The following DNAH6 variants were observed in gnomAD, a reference collection of about 807,000 sequenced individuals.
The protein encoded by DNAH6 is axonemal beta dynein heavy chain 6.
Under a neutral mutation model 491.4 loss-of-function variants are expected in DNAH6, and 340 were observed. That is an observed-to-expected ratio of 0.69 (90% CI 0.63 to 0.76). DNAH6 has a LOEUF of 0.76. Ranked by LOEUF, DNAH6 falls within the 30% of genes least tolerant of loss-of-function variation. DNAH6 has a pLI of 0.00. For missense variants in DNAH6, 4,443 were observed against 4,972.2 expected (o/e 0.89, Z 3.20); for synonymous variants, 1,603 against 1,686.1 (o/e 0.95, Z 1.21).
intron 32 of DNAH6, 69 bp from the exon 33 acceptor site, chr2:84,641,878 A>G (rs1235156142): frequency 7.6e-6 from 10 of 1,319,510 alleles, no homozygotes; most frequent in Non-Finnish European, 1.1e-5. Flanking sequence ...TGCCCTCCCC[A>G]CAGGTTTAGA....
intron 55 of DNAH6, 30 bp downstream of exon 55, chr2:84,709,576 T>C: frequency 1.3e-6 from 2 of 1,549,150 alleles, no homozygotes; most frequent in Non-Finnish European, 1.7e-6. Flanking sequence ...GAGAGTGGCT[T>C]TTGGTTCTGC....
At chr2:84,662,686 G>C (rs1691643711) in intron 37 of DNAH6, among the ~76,000 whole-genome samples, 1 of 152,208 alleles carries the variant, frequency 6.6e-6, no homozygotes, top group Non-Finnish European at 1.5e-5. Flanking sequence ...GCAGGGCATA[G>C]CTGAACAAAA....
intron 22 of DNAH6, among the ~76,000 whole-genome samples, chr2:84,612,296 A>G (rs189350648): frequency 2.0e-5 from 3 of 152,116 alleles, no homozygotes; most frequent in Non-Finnish European, 4.4e-5. Flanking sequence ...ACTAGTAAAA[A>G]TATTACCACT....
chr2:84,511,087 A>G, the DNAH6 span, among the ~76,000 whole-genome samples: 2 of 152,154 alleles, frequency 1.3e-5, no homozygotes, highest in African/African-American at 4.8e-5. Context: ...GAGAACCACT[A>G]TTCTCTTCAA....
intron 2 of DNAH6, among the ~76,000 whole-genome samples, chr2:84,522,211 A>G (rs947247598): frequency 6.6e-6 from 1 of 151,948 alleles, no homozygotes; most frequent in Non-Finnish European, 1.5e-5. Flanking sequence ...AAATATTCCT[A>G]GGTATTTTAG....
chr2:84,817,992 A>G (rs1680657209), intron 76 of DNAH6, among the ~76,000 whole-genome samples: 1 of 152,210 alleles, frequency 6.6e-6, no homozygotes, highest in African/African-American at 2.4e-5. Context: ...ATCAAATTTC[A>G]ACATGAGATT....
intron 17 of DNAH6, among the ~76,000 whole-genome samples, chr2:84,594,823 T>C (rs1365925078): frequency 1.3e-5 from 2 of 152,184 alleles, no homozygotes; most frequent in East Asian, 1.9e-4. Context: ...TTCTAGGTGC[T>C]GGGAGTACCA....
intron 64 of DNAH6, among the ~76,000 whole-genome samples, chr2:84,771,302 A>C (rs1005837699): frequency 5.3e-5 from 8 of 151,886 alleles, no homozygotes; most frequent in African/African-American, 1.9e-4. Context: ...AAAAAAAAAC[A>C]AAAAGAAGTT....
chr2:84,796,757 G>C (rs576264965), intron 69 of DNAH6, among the ~76,000 whole-genome samples: 1 of 152,146 alleles, frequency 6.6e-6, no homozygotes, highest in Admixed American at 6.5e-5. Flanking sequence ...AGATACTCAG[G>C]AGGCTGAGGT....
intron 29 of DNAH6, among the ~76,000 whole-genome samples, chr2:84,633,317 C>G (rs928007674): frequency 9.2e-5 from 14 of 152,068 alleles, no homozygotes; most frequent in African/African-American, 3.4e-4. Context: ...TTAATATCTC[C>G]CCAAGGCAGA....
intron 15 of DNAH6, among the ~76,000 whole-genome samples, chr2:84,585,586 G>A (rs550792698): frequency 2.0e-5 from 3 of 151,950 alleles, no homozygotes; most frequent in African/African-American, 7.2e-5. Context: ...CATCATCTCT[G>A]CAGCTCTCAG....
intron 63 of DNAH6, among the ~76,000 whole-genome samples, chr2:84,761,070 A>G (rs1448321644): frequency 2.6e-5 from 4 of 152,254 alleles, no homozygotes; most frequent in Admixed American, 2.6e-4. Context: ...ATCGACCTAC[A>G]TGTCCATCAA....
intron 30 of DNAH6, among the ~76,000 whole-genome samples, chr2:84,634,978 G>A (rs1000991629): frequency 1.3e-5 from 2 of 152,118 alleles, no homozygotes; most frequent in Non-Finnish European, 2.9e-5. Flanking sequence ...GGTCACAATG[G>A]GCAGCACTGG....
At chr2:84,745,739 A>G (rs1420782622) in intron 63 of DNAH6, among the ~76,000 whole-genome samples, 1 of 151,814 alleles carries the variant, frequency 6.6e-6, no homozygotes, top group Non-Finnish European at 1.5e-5. Flanking sequence ...GAGAATTATG[A>G]AAGAGAGCCA....
Position 84,722,664 on chromosome 2 carries a change from G to A in DNAH6, c.9832G>A (p.Glu3278Lys). 1 of 1,550,806 alleles carries A rather than the reference G, an allele frequency of 6.4e-7. No homozygotes were observed. The highest frequency in any genetic ancestry group is 1.2e-5 in the South Asian group (1 of 83,756). ...GAIKTRLEEA[E>K]STEQMINVAR... ...CATTAAAACCAGGCTGGAAGAAGCA[G>A]AGTCCACTGAGCAGATGATCAATGT... The change falls in exon 60 of 77, where the codon GAG becomes AAG. Residue 3278 changes from glutamate (E) to lysine (K), a missense_variant. Glu to Lys is a moderately conservative substitution (Grantham distance 56, BLOSUM62 1). This residue lies in a region of DNAH6 where 1,463 missense variants were observed against 1,656.6 expected (regional missense o/e 0.88). Transcript: ENST00000389394.
intron 47 of DNAH6, 151 bp downstream of exon 47, chr2:84,697,878 G>A (rs1695542299): frequency 1.3e-5 from 11 of 843,152 alleles, no homozygotes; most frequent in Non-Finnish European, 2.0e-5. Flanking sequence ...TTTATTTTCG[G>A]TGTTTAAAGC....
At chr2:84,767,696 A>G (rs1052772331) in intron 64 of DNAH6, among the ~76,000 whole-genome samples, 2 of 152,106 alleles carry the variant, frequency 1.3e-5, no homozygotes, top group South Asian at 2.1e-4. Flanking sequence ...GACAAGATCT[A>G]TTAAAGTGTA....
intron 31 of DNAH6, 96 bp downstream of exon 31, chr2:84,637,473 C>G (rs1161642015): frequency 1.0e-5 from 13 of 1,275,050 alleles, no homozygotes; most frequent in Non-Finnish European, 1.4e-5. Flanking sequence ...TATGAATGCC[C>G]CTATTAATGG....
At chr2:84,506,834 C>T in the DNAH6 span, among the ~76,000 whole-genome samples, 2 of 152,134 alleles carry the variant, frequency 1.3e-5, no homozygotes, top group South Asian at 4.2e-4. Context: ...ATCCTTTCCC[C>T]ATTGCTTGTT....
Sources: allele counts gnomAD v4.1 joint callset (sites outside exome capture counted in the v4.1 genomes callset), GRCh38; gene constraint gnomAD v4.1.1; regional missense constraint gnomAD v4.1.1; transcripts MANE v1.5; gene names NCBI Gene and HGNC (gene_info 2026-07-23, HGNC 2026-07-21).